COMMD1: variants seen among roughly 807,000 people sequenced by gnomAD.
COMMD1 encodes copper metabolism domain containing 1, also known as COMM domain-containing protein 1.
Under a neutral mutation model 17.2 loss-of-function variants are expected in COMMD1, and 10 were observed. The observed-to-expected ratio is 0.58, with a 90% CI of 0.36 to 0.99. COMMD1 has a LOEUF of 0.99. Ranked by LOEUF, COMMD1 falls within the 50% of genes least tolerant of loss-of-function variation. COMMD1 has a pLI of 0.01. For synonymous variants in COMMD1, 97 were observed against 91.6 expected, an observed-to-expected ratio of 1.06 and a Z score of -0.34; for missense variants, 270 against 231.8, an observed-to-expected ratio of 1.17 and a Z score of -1.07.
chr2:62,085,842 A>G (rs955396147), intron 2 of COMMD1, among the ~76,000 whole-genome samples: 18 of 151,850 alleles, frequency 1.2e-4, no homozygotes, highest in African/African-American at 3.9e-4. Flanking sequence ...TTAGCGGGGC[A>G]TGGTGGCGGG....
At chr2:61,914,717 G>A (rs1400959418) in intron 1 of COMMD1, among the ~76,000 whole-genome samples, 1 of 151,980 alleles carries the variant, frequency 6.6e-6, no homozygotes, top group African/African-American at 2.4e-5. Context: ...TTGAAACAGA[G>A]TCTCACTCTG....
intron 2 of COMMD1, among the ~76,000 whole-genome samples, chr2:62,131,863 CACACACACACACACAA>C (rs1196960921): frequency 1.4e-5 from 2 of 146,816 alleles, no homozygotes; most frequent in Non-Finnish European, 1.5e-5. Context: ...TTTCTAAATA[CACACACACACACACAA>C]ACACACACAC....
intron 2 of COMMD1, among the ~76,000 whole-genome samples, chr2:62,003,834 T>C (rs1338834034): frequency 6.6e-6 from 1 of 152,212 alleles, no homozygotes; most frequent in Admixed American, 6.5e-5. Flanking sequence ...TCGTTAATAC[T>C]ATCATAGGTT....
At chr2:61,893,612 G>A (rs916814027) in intron 1 of COMMD1, among the ~76,000 whole-genome samples, 2 of 152,068 alleles carry the variant, frequency 1.3e-5, no homozygotes, top group East Asian at 3.9e-4. Flanking sequence ...TCAGGAGTTC[G>A]AGACCAGCCT....
chr2:62,116,851 C>T (rs1039278328), intron 2 of COMMD1, among the ~76,000 whole-genome samples: 12 of 151,404 alleles, frequency 7.9e-5, no homozygotes, highest in African/African-American at 2.2e-4. Flanking sequence ...CAAAACTAGC[C>T]GAGCATGGTG....
chr2:61,936,100 G>GGCCCA (rs1670600476), intron 1 of COMMD1, among the ~76,000 whole-genome samples: 1 of 152,102 alleles, frequency 6.6e-6, no homozygotes, highest in African/African-American at 2.4e-5. Flanking sequence ...CACCATGCCC[G>GGCCCA]GCCCAGCCCA....
chr2:61,939,468 A>G (rs1004317131), intron 1 of COMMD1, among the ~76,000 whole-genome samples: 13 of 151,450 alleles, frequency 8.6e-5, no homozygotes, highest in Admixed American at 2.6e-4. Flanking sequence ...TCCGTCTCAG[A>G]AAAAAAAGAA....
At chr2:61,900,789 G>A (rs1281707243), upstream of COMMD1, among the ~76,000 whole-genome samples, 3 of 152,092 alleles carry the variant, frequency 2.0e-5, no homozygotes, top group Admixed American at 2.0e-4. Flanking sequence ...GGATAAAGTA[G>A]CCAATAGATA....
chr2:62,040,743 C>G (rs1162628497), intron 2 of COMMD1, among the ~76,000 whole-genome samples: 4 of 151,638 alleles, frequency 2.6e-5, no homozygotes, highest in Admixed American at 6.6e-5. Flanking sequence ...GACAGTCTTG[C>G]TCTGTCACCC....
intron 1 of COMMD1, among the ~76,000 whole-genome samples, chr2:61,939,361 G>A (rs1177155649): frequency 6.6e-6 from 1 of 151,784 alleles, no homozygotes; most frequent in Admixed American, 6.6e-5. Context: ...AGCTACTCGG[G>A]AGGCTGAGGC....
At chr2:61,989,887 C>T (rs1312298287) in intron 1 of COMMD1, among the ~76,000 whole-genome samples, 1 of 152,128 alleles carries the variant, frequency 6.6e-6, no homozygotes, top group African/African-American at 2.4e-5. Context: ...AAGCAGTGGC[C>T]TTTGGAGCAA....
At chr2:61,955,084 T>C (rs1043136568) in intron 1 of COMMD1, among the ~76,000 whole-genome samples, 21 of 152,256 alleles carry the variant, frequency 1.4e-4, no homozygotes, top group Admixed American at 1.1e-3. Flanking sequence ...CAAAATAATT[T>C]GGCGTTCCAA....
chr2:61,942,688 C>A (rs1258681895), intron 1 of COMMD1, among the ~76,000 whole-genome samples: 1 of 151,694 alleles, frequency 6.6e-6, no homozygotes, highest in Non-Finnish European at 1.5e-5. Context: ...TACAGGCACA[C>A]ATCATCACGC....
At chr2:62,019,017 A>G in intron 2 of COMMD1, among the ~76,000 whole-genome samples, 1 of 134,304 alleles carries the variant, frequency 7.4e-6, no homozygotes, top group South Asian at 2.2e-4. Flanking sequence ...CAACCAACCA[A>G]CCAACTTCCC....
intron 1 of COMMD1, among the ~76,000 whole-genome samples, chr2:61,889,259 T>G (rs1572932706): frequency 8.6e-6 from 1 of 116,490 alleles, no homozygotes; most frequent in African/African-American, 3.4e-5. Context: ...CAGGCGGGAG[T>G]GCAGTGGGGC....
At chr2:62,108,110 C>T (rs1191100690) in intron 2 of COMMD1, among the ~76,000 whole-genome samples, 2 of 152,154 alleles carry the variant, frequency 1.3e-5, no homozygotes, top group Non-Finnish European at 2.9e-5. Context: ...TTGCAAGGCC[C>T]TGCTTAATAT....
At chr2:61,970,342 G>T (rs911704938) in intron 1 of COMMD1, among the ~76,000 whole-genome samples, 55 of 152,036 alleles carry the variant, frequency 3.6e-4, no homozygotes, top group African/African-American at 1.2e-3. Context: ...TATTAAAAAG[G>T]ATATACAGTT....
At chr2:61,913,003 A>G (rs183358553) in intron 1 of COMMD1, among the ~76,000 whole-genome samples, 1 of 152,150 alleles carries the variant, frequency 6.6e-6, no homozygotes, top group East Asian at 1.9e-4. Context: ...GTAGGGCAGC[A>G]TGGTTTTGCT....
At chr2:62,079,946 A>T (rs1235840819) in intron 2 of COMMD1, 2 of 152,230 alleles carry the variant, frequency 1.3e-5, no homozygotes, top group East Asian at 3.8e-4. Context: ...TTATCTCTGA[A>T]TATAATCTTT....
Sources: gnomAD v4.1 joint callset for allele counts (sites outside exome capture counted in the v4.1 genomes callset) on GRCh38, gnomAD v4.1.1 for gene constraint, MANE v1.5 for transcripts, NCBI Gene and HGNC (gene_info 2026-07-23, HGNC 2026-07-21) for gene names.